Variants in CPM observed in about 807,000 individuals in gnomAD.
CPM encodes renal carboxypeptidase.
CPM carries 35 observed loss-of-function variants against 46.4 expected under a neutral mutation model. The observed-to-expected ratio is 0.75, with a 90% confidence interval of 0.58 to 1.00. The LOEUF (loss-of-function observed/expected upper bound fraction) is 1.00, where lower values mean the gene tolerates loss of function less well. Among genes scored for constraint, CPM ranks in the 50% least tolerant of loss-of-function variants. The pLI is 0.00. For missense variants in CPM, 422 were observed against 530.4 expected, an observed-to-expected ratio of 0.80 and a Z score of 2.01; for synonymous variants, 195 against 195.3, an observed-to-expected ratio of 1.00 and a Z score of 0.01.
Position 68,904,787 on chromosome 12 carries a change from A to C in CPM, c.161-18898T>G, listed in dbSNP as rs1038096705. On this transcript the variant is annotated intron_variant, in intron 2 of 8. Coordinates refer to ENST00000551568, the MANE Select transcript of CPM (RefSeq NM_198320.5). ...CTGGCATGTGGGTGGAAGGGGAAGA[A>C]GAGAGAGAGGAGGATCCTCATAGTG... 3.9e-5 allele frequency among the ~76,000 whole-genome samples: 6 copies of C among 152,338 alleles called. No individual in the cohort carries two copies. In the South Asian group the frequency reaches 1.2e-3, roughly 32 times the overall value.
intron 1 of CPM, among the ~76,000 whole-genome samples, chr12:68,953,947 TA>T (rs1888974388): frequency 6.6e-6 from 1 of 152,250 alleles, no homozygotes; most frequent in African/African-American, 2.4e-5. Flanking sequence ...TTGTCAGCAT[TA>T]CAACATAGAA....
intron 2 of CPM, among the ~76,000 whole-genome samples, chr12:68,886,633 AAAAT>A (rs566833447): frequency 2.0e-5 from 3 of 152,162 alleles, no homozygotes; most frequent in East Asian, 1.9e-4. Flanking sequence ...CTCCGTCTCA[AAAAT>A]AAATAAATAA....
At chr12:68,879,276 C>T (rs1175133017) in intron 3 of CPM, among the ~76,000 whole-genome samples, 2 of 152,204 alleles carry the variant, frequency 1.3e-5, no homozygotes, top group Non-Finnish European at 2.9e-5. Context: ...AGACCCTTGG[C>T]ACTGAGGTCA....
Position 68,921,536 on chromosome 12 carries a change from G to A in CPM, c.160+11142C>T, listed in dbSNP as rs983073470. 3.9e-5 allele frequency among the ~76,000 whole-genome samples: 6 copies of A among 152,106 alleles called. No individual in the cohort carries two copies. The East Asian group carries it at 1.2e-3, about 29-fold the overall frequency. ...TTACATGTTTGGTCAGTGTTTTAGGGGGCTGAAGGCAAGGGGTGGGGGTAG... is the reference window on the plus strand; with the variant it reads ...TTACATGTTTGGTCAGTGTTTTAGGAGGCTGAAGGCAAGGGGTGGGGGTAG... On this transcript the variant is annotated intron_variant, in intron 2 of 8. Transcript: ENST00000551568.
chr12:68,917,915 C>T (rs1887877220), intron 2 of CPM, among the ~76,000 whole-genome samples: 1 of 152,158 alleles, frequency 6.6e-6, no homozygotes, highest in Admixed American at 6.5e-5. Flanking sequence ...TCCTGAGAAA[C>T]ATGTGGAATC....
At chr12:68,955,615 G>A (rs778217908) in intron 1 of CPM, among the ~76,000 whole-genome samples, 12 of 152,168 alleles carry the variant, frequency 7.9e-5, no homozygotes, top group Non-Finnish European at 1.3e-4. Flanking sequence ...TCAAACAACT[G>A]GAGGATGAGC....
At chr12:68,847,818 T>G (rs572500778), downstream of CPM, 1 of 152,212 alleles carries the variant, frequency 6.6e-6, no homozygotes, top group African/African-American at 2.4e-5. Context: ...TGATTGGCAT[T>G]GAAAGCAACT....
In CPM at chr12:68,913,078, TAAGGATGCTGGGTAG is replaced by T. The variant is rs550454658; in HGVS notation, c.160+19585_160+19599del. On this transcript the variant is annotated intron_variant, in intron 2 of 8. Coordinates refer to ENST00000551568, the MANE Select transcript of CPM (RefSeq NM_198320.5). ...GGCACCATCATCTCCTCCCGGATGT[TAAGGATGCTGGGTAG>T]ATGCTGTCCTGCCAACCAGCCTTGT... Among the ~76,000 whole-genome samples, 290 of 152,234 alleles carry T rather than the reference TAAGGATGCTGGGTAG, an allele frequency of 1.9e-3. 2 individuals carry two copies. Among genetic ancestry groups the T allele is most frequent in the African/African-American group, 6.5e-3 (269 of 41,534 alleles).
intron 1 of CPM, among the ~76,000 whole-genome samples, chr12:68,962,194 C>T (rs1329490631): frequency 4.5e-5 from 3 of 66,446 alleles, no homozygotes; most frequent in South Asian, 5.8e-4. Flanking sequence ...AGCGAGACTC[C>T]ATCTCAAAAA....
chr12:68,922,525 T>A (rs1279192329), intron 2 of CPM, among the ~76,000 whole-genome samples: 1 of 152,090 alleles, frequency 6.6e-6, no homozygotes, highest in African/African-American at 2.4e-5. Context: ...TGCCTTTGTA[T>A]CCCCACTGTC....
intron 2 of CPM, among the ~76,000 whole-genome samples, chr12:68,925,541 T>C (rs899561455): frequency 1.3e-5 from 2 of 152,146 alleles, no homozygotes; most frequent in African/African-American, 4.8e-5. Flanking sequence ...CAATAAAATA[T>C]CTATTGACAG....
At chr12:68,882,850 C>T (rs1222267082) in intron 3 of CPM, among the ~76,000 whole-genome samples, 1 of 151,926 alleles carries the variant, frequency 6.6e-6, no homozygotes, top group Non-Finnish European at 1.5e-5. Context: ...TTTTGGCCAC[C>T]AGACAATTTC....
chr12:68,843,987 C>CT (rs1354040363), intron 5 of CPM: 1 of 207,852 alleles, frequency 4.8e-6, no homozygotes, highest in African/African-American at 2.3e-5. Flanking sequence ...CAAGCAGAAT[C>CT]TGTTTTTTTC....
chr12:68,897,143 G>A (rs1003985259), intron 2 of CPM, among the ~76,000 whole-genome samples: 1 of 152,010 alleles, frequency 6.6e-6, no homozygotes. Context: ...TCATAAACCT[G>A]TCCTGCTTCC....
At chr12:68,897,736 CAAAA>C (rs62826660) in intron 2 of CPM, among the ~76,000 whole-genome samples, 19 of 106,034 alleles carry the variant, frequency 1.8e-4, no homozygotes, top group African/African-American at 5.9e-4. Flanking sequence ...GACTCCGTTT[CAAAA>C]AAAAAAAAAA....
intron 2 of CPM, among the ~76,000 whole-genome samples, chr12:68,916,323 TG>T (rs1165311298): frequency 2.6e-5 from 4 of 152,200 alleles, no homozygotes; most frequent in African/African-American, 9.6e-5. Context: ...ATCTGTGCTC[TG>T]TTGAAGGCAA....
chr12:68,932,729 G>C lies in CPM; in HGVS notation c.109C>G (p.Gln37Glu). 6.2e-7 allele frequency: 1 copy of C among 1,614,158 alleles called. No homozygotes were observed. Among genetic ancestry groups the C allele is most frequent in the Non-Finnish European group, 8.5e-7 (1 of 1,180,020 alleles). ...AAGTGAGTGACAGAACTGTAGTTTT[G>C]GGCAACAGTCTTCAAAAACGCTTCC... ...GMEAFLKTVA[Q>E]NYSSVTHLHS... Residue 37 changes from glutamine (Q) to glutamate (E), a missense_variant, in exon 2 of 9, where the codon CAA (glutamine) becomes GAA (glutamate). Physicochemically the swap from Gln to Glu is conservative, Grantham distance 29 (BLOSUM62 2). Transcript: ENST00000551568.
At chr12:68,954,711 G>A (rs1888985080) in intron 1 of CPM, among the ~76,000 whole-genome samples, 1 of 152,022 alleles carries the variant, frequency 6.6e-6, no homozygotes, top group African/African-American at 2.4e-5. Flanking sequence ...ATGTTTAATA[G>A]GCCTCTCAAA....
At chr12:68,850,292 A>T (rs1884609001), downstream of CPM, 1 of 152,078 alleles carries the variant, frequency 6.6e-6, no homozygotes, top group Non-Finnish European at 1.5e-5. Context: ...TCCCAAAAAA[A>T]AAAAAAAAAG....
Sources: gnomAD v4.1 joint callset for allele counts (sites outside exome capture counted in the v4.1 genomes callset) on GRCh38, gnomAD v4.1.1 for gene constraint, MANE v1.5 for transcripts, NCBI Gene and HGNC (gene_info 2026-07-23, HGNC 2026-07-21) for gene names.